The following PFKFB3 variants were observed in gnomAD, a reference collection of about 807,000 sequenced individuals.
The protein encoded by PFKFB3 is 6-phosphofructo-2-kinase/fructose-2,6-bisphosphatase 3.
In PFKFB3, 33 loss-of-function variants were observed where a neutral mutation model predicts 68.0. The observed-to-expected ratio is 0.49, with a 90% CI of 0.37 to 0.65. PFKFB3 has a LOEUF of 0.65. Ranked by LOEUF, PFKFB3 falls within the 30% of genes least tolerant of loss-of-function variation. PFKFB3 has a pLI of 0.00. For synonymous variants in PFKFB3, 315 were observed against 288.2 expected (o/e 1.09, Z -0.94); for missense variants, 586 against 712.2 (o/e 0.82, Z 2.02).
intron 14 of PFKFB3, among the ~76,000 whole-genome samples, chr10:6,226,813 C>T (rs779262421): frequency 1.3e-5 from 2 of 152,190 alleles, no homozygotes; most frequent in South Asian, 2.1e-4. Context: ...AGGCCAGGCG[C>T]GGTGGCTCAC....
chr10:6,247,396 A>G (rs1162929420), intron 14 of PFKFB3, among the ~76,000 whole-genome samples: 1 of 145,568 alleles, frequency 6.9e-6, no homozygotes, highest in African/African-American at 2.8e-5. Flanking sequence ...GACTCTAACA[A>G]TTAGCCTTCT....
chr10:6,202,913 G>A (rs11257235), upstream of PFKFB3: 6,601 of 1,172,362 alleles, frequency 5.6e-3, 65 homozygotes, highest in East Asian at 0.052. Context: ...TTAAAAGCCG[G>A]CGGTGCGCGG....
chr10:6,224,006 C>T lies in PFKFB3; in HGVS notation c.1262C>T (p.Thr421Met), dbSNP rs747166742. ...CCTCTTCACACCGTCCTGAAACTGACGCCTGTCGCTTATGGTGAGTAGCAA... is the reference window on the plus strand; with the variant it reads ...CCTCTTCACACCGTCCTGAAACTGATGCCTGTCGCTTATGGTGAGTAGCAA... ...KCPLHTVLKLTPVAYGCRVES... is the reference protein window; with the variant it reads ...KCPLHTVLKLMPVAYGCRVES... Residue 421 changes from threonine (T) to methionine (M), a missense_variant, in exon 12 of 15, where the codon ACG (threonine) becomes ATG (methionine). Thr to Met is a moderately conservative substitution (Grantham distance 81). Coordinates refer to ENST00000379775, the MANE Select transcript of PFKFB3 (RefSeq NM_004566.4). The T allele has an allele frequency of 3.7e-6, 6 of 1,614,202 alleles. No individual in the cohort carries two copies. The highest frequency in any genetic ancestry group is 1.1e-5 in the South Asian group (1 of 91,090).
At chr10:6,236,679 G>T (rs1386008575), downstream of PFKFB3, among the ~76,000 whole-genome samples, 2 of 152,228 alleles carry the variant, frequency 1.3e-5, no homozygotes, top group African/African-American at 4.8e-5. Flanking sequence ...TCAGGTGCAG[G>T]GATGGAGCAG....
chr10:6,203,169 TCTC>T lies in PFKFB3; in HGVS notation c.-86_-84del. 5 of 1,534,056 alleles carry T rather than the reference TCTC, an allele frequency of 3.3e-6. No homozygotes were observed. Among genetic ancestry groups the T allele is most frequent in the Non-Finnish European group, 4.4e-6 (5 of 1,142,554 alleles). On this transcript the variant is annotated 5_prime_UTR_variant, in exon 1 of 15. Coordinates refer to ENST00000379775, the MANE Select transcript of PFKFB3 (RefSeq NM_004566.4). ...GGCCGCGCGCCGGCGCACGCCCCCCTCTCCTCCTTTGTTCCGGGGGTCGGCGGC... is the reference window on the plus strand; with the variant it reads ...GGCCGCGCGCCGGCGCACGCCCCCCTCTCCTTTGTTCCGGGGGTCGGCGGC...
intron 1 of PFKFB3, among the ~76,000 whole-genome samples, chr10:6,206,435 G>C (rs1843695917): frequency 8.6e-6 from 1 of 115,716 alleles, no homozygotes; most frequent in Non-Finnish European, 1.8e-5. Context: ...AACCGCCATT[G>C]TCGTCATGGC....
chr10:6,253,037 C>T (rs1846414164), intron 14 of PFKFB3, among the ~76,000 whole-genome samples: 2 of 152,164 alleles, frequency 1.3e-5, no homozygotes, highest in Non-Finnish European at 2.9e-5. Flanking sequence ...TCTGCCTCAG[C>T]CTCCTGAGTA....
intron 1 of PFKFB3, chr10:6,146,339 G>C (rs530198466): frequency 2.6e-6 from 4 of 1,530,148 alleles, no homozygotes; most frequent in South Asian, 2.4e-5. Context: ...GGCGGTGAAG[G>C]GGGTGGCTGC....
intron 1 of PFKFB3, among the ~76,000 whole-genome samples, chr10:6,183,247 C>G (rs1484629218): frequency 6.6e-6 from 1 of 152,212 alleles, no homozygotes; most frequent in African/African-American, 2.4e-5. Context: ...ATAAGCCACA[C>G]AGGAGAAAAG....
chr10:6,216,559 A>G (rs1252775753), intron 4 of PFKFB3, 147 bp from the exon 5 acceptor site: 1 of 703,772 alleles, frequency 1.4e-6, no homozygotes, highest in African/African-American at 1.8e-5. Flanking sequence ...CACTCCCTGG[A>G]GAGGACTGTG....
intron 1 of PFKFB3, among the ~76,000 whole-genome samples, chr10:6,172,639 T>C (rs1323683799): frequency 6.6e-6 from 1 of 151,932 alleles, no homozygotes; most frequent in Admixed American, 6.6e-5. Context: ...CTGAGCAACA[T>C]GATGAGACCC....
the PFKFB3 span, among the ~76,000 whole-genome samples, chr10:6,286,466 C>T: frequency 2.0e-5 from 3 of 152,004 alleles, no homozygotes; most frequent in Non-Finnish European, 4.4e-5. Context: ...CAACCTCTGC[C>T]TCCTGGGTTC....
the PFKFB3 span, among the ~76,000 whole-genome samples, chr10:6,279,518 G>A: frequency 2.0e-5 from 3 of 151,352 alleles, no homozygotes; most frequent in Non-Finnish European, 3.0e-5. Flanking sequence ...TTTGGTTGAT[G>A]TATGAGCACT....
chr10:6,251,899 T>A (rs927155259), intron 14 of PFKFB3, among the ~76,000 whole-genome samples: 2 of 151,928 alleles, frequency 1.3e-5, no homozygotes, highest in African/African-American at 4.8e-5. Flanking sequence ...ACCCGGAAGG[T>A]GGAAATTGCA....
intron 1 of PFKFB3, chr10:6,197,791 T>G (rs1465427657): frequency 6.6e-6 from 1 of 152,090 alleles, no homozygotes; most frequent in Non-Finnish European, 1.5e-5. Context: ...AGAAAGTAGG[T>G]GTACCTGTGT....
At chr10:6,314,150 T>A in the PFKFB3 span, among the ~76,000 whole-genome samples, 1 of 152,266 alleles carries the variant, frequency 6.6e-6, no homozygotes, top group Non-Finnish European at 1.5e-5. Context: ...CCATTCTATA[T>A]GTGGGAATAA....
At chr10:6,308,402 G>C in the PFKFB3 span, among the ~76,000 whole-genome samples, 6 of 152,160 alleles carry the variant, frequency 3.9e-5, no homozygotes, top group Non-Finnish European at 8.8e-5. Context: ...TATAATCCCA[G>C]CTACTTGGGA....
rs1844967478 is a variant in PFKFB3, at chr10:6,221,638, CAG to C, written c.979-2_979-1del. The C allele has an allele frequency of 2.5e-6, 4 of 1,610,316 alleles. No homozygotes were observed. Among genetic ancestry groups the C allele is most frequent in the Non-Finnish European group, 3.4e-6 (4 of 1,178,536 alleles). On this transcript the variant is annotated splice_acceptor_variant, in intron 9 of 14. Coordinates refer to ENST00000379775, the MANE Select transcript of PFKFB3 (RefSeq NM_004566.4). LOFTEE classifies it high-confidence loss of function. ...CCCCTGAGTGACCACTGGGTCCCCGCAGGGCGTCTGTGAGGAGCTGACCTACG... is the reference window on the plus strand; with the variant it reads ...CCCCTGAGTGACCACTGGGTCCCCGCGGCGTCTGTGAGGAGCTGACCTACG...
chr10:6,286,073 G>A, the PFKFB3 span, among the ~76,000 whole-genome samples: 1 of 148,302 alleles, frequency 6.7e-6, no homozygotes, highest in Non-Finnish European at 1.5e-5. Context: ...CACCTCCCGG[G>A]TTCACGCCAT....
Sources: gnomAD v4.1 joint callset for allele counts (sites outside exome capture counted in the v4.1 genomes callset) on GRCh38, gnomAD v4.1.1 for gene constraint, MANE v1.5 for transcripts, NCBI Gene and HGNC (gene_info 2026-07-23, HGNC 2026-07-21) for gene names.